The following VCAM1 variants were observed in gnomAD, a reference collection of about 807,000 sequenced individuals.
VCAM1 encodes the protein vascular cell adhesion molecule 1, also known as vascular cell adhesion protein 1.
VCAM1 carries 41 observed loss-of-function variants against 63.8 expected under a neutral mutation model. The observed-to-expected ratio is 0.64, with a 90% CI of 0.50 to 0.83. The LOEUF (loss-of-function observed/expected upper bound fraction) is 0.83. Ranked by LOEUF, VCAM1 falls within the 40% of genes least tolerant of loss-of-function variation. The pLI, the probability that VCAM1 is intolerant of heterozygous loss-of-function variation, is 0.00. For synonymous variants in VCAM1, 338 were observed against 320.7 expected, an observed-to-expected ratio of 1.05 and a Z score of -0.58; for missense variants, 798 against 875.5, an observed-to-expected ratio of 0.91 and a Z score of 1.12.
In VCAM1 at chr1:100,738,475, G is replaced by GT; in HGVS notation, c.*193dup. The GT allele has an allele frequency of 2.0e-6, 1 of 494,896 alleles. No individual in the cohort carries two copies. Among genetic ancestry groups the GT allele is most frequent in the Admixed American group, 3.7e-5 (1 of 26,750 alleles). 30.7% of individuals were successfully genotyped at this position (494,896 alleles called of 1,614,324 possible). On this transcript the variant is annotated 3_prime_UTR_variant, in exon 9 of 9. Transcript: ENST00000294728. ...AGTAAAACTTGCTGCCTGAAGAACA[G>GT]TAACTGCCATCAAGATGAGAGAACT...
rs865814903 is a variant in VCAM1 at position 100,728,256 on chromosome 1, G to T, written c.929-851G>T. Among the ~76,000 whole-genome samples the T allele has an allele frequency of 2.0e-5, 3 of 152,174 alleles. No individual in the cohort carries two copies. The South Asian group carries it at 6.2e-4, about 32-fold the overall frequency. Reference sequence around the variant, plus strand: ...ATTAATTGTAAAGTATTTTTATATTGCATCAGGCAAATTTTGGAGGTGACT... The same window carrying T: ...ATTAATTGTAAAGTATTTTTATATTTCATCAGGCAAATTTTGGAGGTGACT... On this transcript the variant is annotated intron_variant, in intron 4 of 8. Transcript: ENST00000294728.
intron 8 of VCAM1, chr1:100,737,602 C>T (rs1660701723): frequency 6.6e-6 from 1 of 152,090 alleles, no homozygotes. Context: ...CTGTATATCT[C>T]TGAGAAAGCC....
Position 100,719,846 on chromosome 1 carries a change from C to T in VCAM1, c.-15C>T. On this transcript the variant is annotated 5_prime_UTR_variant, in exon 1 of 9. It adds an upstream start codon to the 5' untranslated region. Transcript: ENST00000294728. Reference sequence around the variant, plus strand: ...TTTTGGAACCACTATTTTCTCATCACGACAGCAACTTAAAATGCCTGGGAA... The same window carrying T: ...TTTTGGAACCACTATTTTCTCATCATGACAGCAACTTAAAATGCCTGGGAA... 2 of 1,610,404 alleles carry T rather than the reference C, an allele frequency of 1.2e-6. No homozygotes were observed. The highest frequency in any genetic ancestry group is 1.7e-6 in the Non-Finnish European group (2 of 1,177,566).
chr1:100,737,952 T>G (rs111868352), intron 8 of VCAM1, 171 bp from the exon 9 acceptor site: 1 of 646,242 alleles, frequency 1.5e-6, no homozygotes, highest in African/African-American at 1.8e-5. Context: ...AACTGATTAT[T>G]TGGATAATTC....
intron 7 of VCAM1, 102 bp downstream of exon 7, chr1:100,732,786 G>C: frequency 7.7e-7 from 1 of 1,302,992 alleles, no homozygotes; most frequent in Non-Finnish European, 1.0e-6. Context: ...TACTACAAAA[G>C]TGTGATGAGG....
At chr1:100,729,772 A>G (rs537489650) in intron 5 of VCAM1, among the ~76,000 whole-genome samples, 12 of 152,202 alleles carry the variant, frequency 7.9e-5, no homozygotes, top group African/African-American at 2.9e-4. Context: ...TTTTAAAGGC[A>G]CATTTGATGA....
Position 100,732,204 on chromosome 1 carries a change from C to T in VCAM1, c.1526-214C>T, listed in dbSNP as rs942997529. Among the ~76,000 whole-genome samples the T allele has an allele frequency of 2.0e-5, 3 of 152,182 alleles. No homozygotes were observed. In the East Asian group the frequency reaches 5.8e-4, roughly 29 times the overall value. On this transcript the variant is annotated intron_variant, in intron 6 of 8. Coordinates refer to ENST00000294728, the MANE Select transcript of VCAM1 (RefSeq NM_001078.4). ...TGCAAGGAAGTGTATACTGAACTTA[C>T]TTCCATTAGAAAACACCATGACGTG...
chr1:100,729,465 G>A (rs1660352470), intron 5 of VCAM1, 83 bp downstream of exon 5: 1 of 1,450,672 alleles, frequency 6.9e-7, no homozygotes, highest in Non-Finnish European at 9.1e-7. Context: ...GAAGTGCAAT[G>A]AAATCCTTAT....
chr1:100,735,724 ATG>A (rs1660627174), intron 8 of VCAM1: 2 of 152,230 alleles, frequency 1.3e-5, no homozygotes, highest in African/African-American at 4.8e-5. Context: ...TCCTCAAAAC[ATG>A]AGAATAGCTG....
At chr1:100,737,952 T>C (rs111868352) in intron 8 of VCAM1, 171 bp from the exon 9 acceptor site, 7 of 646,360 alleles carry the variant, frequency 1.1e-5, no homozygotes, top group African/African-American at 9.1e-5. Context: ...AACTGATTAT[T>C]TGGATAATTC....
At chr1:100,730,494 A>G (rs1414254425) in intron 5 of VCAM1, among the ~76,000 whole-genome samples, 1 of 152,168 alleles carries the variant, frequency 6.6e-6, no homozygotes, top group Non-Finnish European at 1.5e-5. Context: ...GAATACAGTT[A>G]AGGCAGTTCT....
intron 3 of VCAM1, among the ~76,000 whole-genome samples, chr1:100,723,889 C>T (rs1395476671): frequency 2.0e-5 from 3 of 151,910 alleles, no homozygotes; most frequent in Admixed American, 6.6e-5. Flanking sequence ...GTAGTCCCAG[C>T]GTTGTGTAGG....
intron 7 of VCAM1, 113 bp downstream of exon 7, chr1:100,732,797 G>T: frequency 1.7e-6 from 2 of 1,185,248 alleles, no homozygotes; most frequent in Non-Finnish European, 2.3e-6. Flanking sequence ...TGTGATGAGG[G>T]TTTTGAAGAG....
At chr1:100,730,519 A>G (rs949212392) in intron 5 of VCAM1, among the ~76,000 whole-genome samples, 3 of 152,146 alleles carry the variant, frequency 2.0e-5, no homozygotes, top group African/African-American at 7.2e-5. Context: ...TACAAGTATT[A>G]TCTGAGAAAT....
chr1:100,721,909 T>A (rs1221027693), intron 2 of VCAM1, among the ~76,000 whole-genome samples: 1 of 152,104 alleles, frequency 6.6e-6, no homozygotes. Flanking sequence ...AAATACCATG[T>A]TTCTTCACAT....
rs1446808813 is a variant in VCAM1 at position 100,731,898 on chromosome 1, C to G, written c.1525+380C>G. On this transcript the variant is annotated intron_variant, in intron 6 of 8. Transcript: ENST00000294728. The surrounding 1 kb of genome is among the most constrained non-coding windows in gnomAD (Gnocchi z 4.2). ...GCCTCTCTTTCTTTATGTGGTGTCA[C>G]CCTGAGGAACAGTAGCCTAGATTTA... Among the ~76,000 whole-genome samples, 1 of 152,138 alleles carries G rather than the reference C, an allele frequency of 6.6e-6. No individual in the cohort carries two copies. The highest frequency in any genetic ancestry group is 6.5e-5 in the Admixed American group (1 of 15,272).
At position 100,731,378 on chromosome 1, in the gene VCAM1, A is replaced by T; in HGVS notation, c.1385A>T (p.Glu462Val). 1 of 1,613,900 alleles carries T rather than the reference A, an allele frequency of 6.2e-7. No homozygotes were observed. The highest frequency in any genetic ancestry group is 8.5e-7 in the Non-Finnish European group (1 of 1,179,866). The change falls in exon 6 of 9, where the codon GAG becomes GTG. Residue 462 changes from glutamate (E) to valine (V), a missense_variant. Coordinates refer to ENST00000294728, the MANE Select transcript of VCAM1 (RefSeq NM_001078.4). This position sits in a 1 kb window ranked among gnomAD's most constrained non-coding sequence, Gnocchi z 4.2. ...GAGGATACGGATATGAAATCTCTAGAGAACAAAAGTTTGGAAATGACCTTC... is the reference window on the plus strand; with the variant it reads ...GAGGATACGGATATGAAATCTCTAGTGAACAAAAGTTTGGAAATGACCTTC... ...FLEDTDMKSLENKSLEMTFIP... is the reference protein window; with the variant it reads ...FLEDTDMKSLVNKSLEMTFIP...
chr1:100,722,763 CTTCT>C (rs981039416), intron 2 of VCAM1, among the ~76,000 whole-genome samples: 44 of 152,120 alleles, frequency 2.9e-4, no homozygotes, highest in African/African-American at 8.2e-4. Context: ...ATTATTTTTT[CTTCT>C]TTCTTTTACT....
At position 100,738,160 on chromosome 1, in the gene VCAM1, T is replaced by G. The variant is rs559657774; in HGVS notation, c.2097T>G (p.Leu699=). The change falls in exon 9 of 9, where the codon CTT becomes CTG. Residue 699 remains leucine (L), a synonymous_variant. Transcript: ENST00000294728. ...ENNKDYFSPE[L]LVLYFASSLI... is the part of the protein sequence containing the mutation. ...ACAAAGACTATTTTTCTCCTGAGCT[T>G]CTCGTGCTCTATTTTGCATCCTCCT... The G allele has an allele frequency of 6.2e-7, 1 of 1,613,700 alleles. No homozygotes were observed. Among genetic ancestry groups the G allele is most frequent in the Non-Finnish European group, 8.5e-7 (1 of 1,179,758 alleles).
Sources: gnomAD v4.1 joint callset for allele counts (sites outside exome capture counted in the v4.1 genomes callset) on GRCh38, gnomAD v4.1.1 for gene constraint, Gnocchi (gnomAD v3.1) non-coding constraint, MANE v1.5 for transcripts, NCBI Gene and HGNC (gene_info 2026-07-23, HGNC 2026-07-21) for gene names.